The following ACTR3C variants were observed in gnomAD, a reference collection of about 807,000 sequenced individuals.
ACTR3C encodes the protein actin related protein 3C, also known as actin-related protein 3C.
A neutral mutation model predicts 26.3 loss-of-function variants in ACTR3C; 18 were observed. That is an observed-to-expected ratio of 0.68 (90% CI 0.47 to 1.01). The LOEUF (loss-of-function observed/expected upper bound fraction) is 1.01. Among genes scored for constraint, ACTR3C ranks in the 50% least tolerant of loss-of-function variants. The probability of loss-of-function intolerance (pLI) is 0.00; values close to 1 mark genes in which losing one functional copy is unlikely to be tolerated. For synonymous variants in ACTR3C, 55 were observed against 94.5 expected, an observed-to-expected ratio of 0.58 and a Z score of 2.42; for missense variants, 184 against 250.7, an observed-to-expected ratio of 0.73 and a Z score of 1.80.
At chr7:149,962,952 C>T in the ACTR3C span, among the ~76,000 whole-genome samples, 1 of 152,204 alleles carries the variant, frequency 6.6e-6, no homozygotes, top group African/African-American at 2.4e-5. Context: ...GCCTTTTGAA[C>T]CTGCAGCCAC....
At chr7:150,187,032 C>A in the ACTR3C span, among the ~76,000 whole-genome samples, 1 of 151,958 alleles carries the variant, frequency 6.6e-6, no homozygotes, top group Admixed American at 6.5e-5. Context: ...ACCATGGAAT[C>A]ATTTCTCTAT....
the ACTR3C span, among the ~76,000 whole-genome samples, chr7:149,912,011 A>G: frequency 5.5e-5 from 2 of 36,376 alleles, no homozygotes; most frequent in East Asian, 6.9e-4. Flanking sequence ...CCCTGTCTCG[A>G]AAAAAAAAAA....
chr7:150,271,455 G>A (rs1182399168), intron 6 of ACTR3C, among the ~76,000 whole-genome samples: 1 of 151,182 alleles, frequency 6.6e-6, no homozygotes, highest in East Asian at 1.9e-4. Flanking sequence ...CTGTTCCTGT[G>A]ATAGTTTGCT....
At chr7:150,282,688 G>A (rs1333786964) in intron 6 of ACTR3C, among the ~76,000 whole-genome samples, 1 of 140,500 alleles carries the variant, frequency 7.1e-6, no homozygotes, top group Admixed American at 6.9e-5. Flanking sequence ...GATTATCCTA[G>A]TGACAAAGTG....
At chr7:150,294,879 G>T (rs1836602687) in intron 2 of ACTR3C, among the ~76,000 whole-genome samples, 1 of 151,010 alleles carries the variant, frequency 6.6e-6, no homozygotes, top group Non-Finnish European at 1.5e-5. Flanking sequence ...AAGTACACTG[G>T]GACTCATAAG....
chr7:150,262,974 A>C (rs1010132871), intron 6 of ACTR3C, among the ~76,000 whole-genome samples: 4 of 152,282 alleles, frequency 2.6e-5, no homozygotes, highest in Non-Finnish European at 5.9e-5. Context: ...TTGCTAAAGC[A>C]GCAAAGACGT....
At chr7:150,115,286 AT>A in the ACTR3C span, among the ~76,000 whole-genome samples, 19 of 152,226 alleles carry the variant, frequency 1.2e-4, no homozygotes, top group Non-Finnish European at 1.5e-5. Context: ...AAAAAAGTAG[AT>A]CATTTTCTCT....
At chr7:150,155,007 C>G in the ACTR3C span, among the ~76,000 whole-genome samples, 1 of 152,162 alleles carries the variant, frequency 6.6e-6, no homozygotes, top group Non-Finnish European at 1.5e-5. Flanking sequence ...TAGACAAACA[C>G]AGGCCTAAGA....
chr7:150,094,974 C>A, the ACTR3C span, among the ~76,000 whole-genome samples: 1 of 143,840 alleles, frequency 7.0e-6, no homozygotes, highest in African/African-American at 2.7e-5. Context: ...CCACAGCCCC[C>A]CAGCCCCCAC....
chr7:150,265,525 C>A (rs1833968329), intron 6 of ACTR3C, among the ~76,000 whole-genome samples: 1 of 152,062 alleles, frequency 6.6e-6, no homozygotes, highest in Non-Finnish European at 1.5e-5. Context: ...GAAACCCCAT[C>A]TCTACTAAAA....
chr7:150,298,129 G>A (rs945056800), intron 1 of ACTR3C, among the ~76,000 whole-genome samples: 1 of 150,948 alleles, frequency 6.6e-6, no homozygotes, highest in African/African-American at 2.5e-5. Flanking sequence ...AGAGAAGGAA[G>A]GGGAGGCAAG....
At chr7:150,024,411 G>A in the ACTR3C span, among the ~76,000 whole-genome samples, 1 of 151,288 alleles carries the variant, frequency 6.6e-6, no homozygotes, top group Admixed American at 6.6e-5. Context: ...GGGTCCCCCG[G>A]CTCTCTCTGT....
the ACTR3C span, among the ~76,000 whole-genome samples, chr7:150,013,329 A>C: frequency 1.1e-4 from 17 of 151,752 alleles, no homozygotes; most frequent in African/African-American, 4.1e-4. Context: ...GCATCTTATG[A>C]GTTATACTAG....
At chr7:149,991,186 C>G in the ACTR3C span, among the ~76,000 whole-genome samples, 4 of 152,150 alleles carry the variant, frequency 2.6e-5, no homozygotes, top group Non-Finnish European at 4.4e-5. Flanking sequence ...ACCATCAGCT[C>G]TTGTAAGCCC....
chr7:150,037,109 G>A, the ACTR3C span, among the ~76,000 whole-genome samples: 1 of 108,560 alleles, frequency 9.2e-6, no homozygotes, highest in Non-Finnish European at 2.2e-5. Flanking sequence ...AAGAGCCAGG[G>A]GGGGAAGAGG....
At chr7:150,057,276 C>CTTTTTT in the ACTR3C span, among the ~76,000 whole-genome samples, 88 of 113,716 alleles carry the variant, frequency 7.7e-4, no homozygotes, top group African/African-American at 1.6e-3. Context: ...GGAATAGGTC[C>CTTTTTT]TTTTTTTTTT....
chr7:150,011,596 A>C, the ACTR3C span, among the ~76,000 whole-genome samples: 66 of 152,260 alleles, frequency 4.3e-4, no homozygotes, highest in African/African-American at 1.5e-3. Flanking sequence ...AAAAATAAAT[A>C]AATAAAAATA....
chr7:149,905,052 T>A, the ACTR3C span, among the ~76,000 whole-genome samples: 7 of 150,892 alleles, frequency 4.6e-5, no homozygotes, highest in East Asian at 1.9e-4. Flanking sequence ...AAAATAAAAA[T>A]AATAATAATA....
chr7:150,131,766 A>G, the ACTR3C span, among the ~76,000 whole-genome samples: 1 of 152,232 alleles, frequency 6.6e-6, no homozygotes, highest in Non-Finnish European at 1.5e-5. Context: ...ACAAATATTC[A>G]TAGTAGCACT....
Sources: gnomAD v4.1 joint callset for allele counts (sites outside exome capture counted in the v4.1 genomes callset) on GRCh38, gnomAD v4.1.1 for gene constraint, MANE v1.5 for transcripts, NCBI Gene and HGNC (gene_info 2026-07-23, HGNC 2026-07-21) for gene names.